Variants in DGKD observed in about 807,000 individuals in gnomAD.
DGKD encodes the protein DAG kinase delta.
In DGKD, 68 loss-of-function variants were observed where a neutral mutation model predicts 154.4. The observed-to-expected ratio is 0.44, with a 90% CI of 0.36 to 0.54. DGKD has a LOEUF of 0.54. Ranked by LOEUF, DGKD falls within the 20% of genes least tolerant of loss-of-function variation. The pLI, the probability that DGKD is intolerant of heterozygous loss-of-function variation, is 0.00. For missense variants in DGKD, 1,343 were observed against 1,593.6 expected (o/e 0.84, Z 2.68); for synonymous variants, 693 against 638.0 (o/e 1.09, Z -1.30).
intron 1 of DGKD, among the ~76,000 whole-genome samples, chr2:233,382,781 A>G (rs1702965757): frequency 6.6e-6 from 1 of 152,146 alleles, no homozygotes; most frequent in Non-Finnish European, 1.5e-5. Flanking sequence ...TCCCTTTACC[A>G]TTTTACATGC....
At chr2:233,454,562 A>G in intron 18 of DGKD, 1 of 559,834 alleles carries the variant, frequency 1.8e-6, no homozygotes, top group Non-Finnish European at 3.3e-6. Flanking sequence ...TGGTTAAATG[A>G]CTCTGAATAT....
intron 1 of DGKD, among the ~76,000 whole-genome samples, chr2:233,368,675 C>G (rs570950605): frequency 6.6e-6 from 1 of 152,104 alleles, no homozygotes; most frequent in Non-Finnish European, 1.5e-5. Context: ...TTCTCTCCCC[C>G]CAACCCTAAA....
chr2:233,369,972 G>T (rs1016708329), intron 1 of DGKD, among the ~76,000 whole-genome samples: 2 of 152,112 alleles, frequency 1.3e-5, no homozygotes, highest in Non-Finnish European at 2.9e-5. Flanking sequence ...ATGGAAGAGG[G>T]ACACTCTTTT....
intron 1 of DGKD, among the ~76,000 whole-genome samples, chr2:233,374,501 A>G (rs1275650482): frequency 2.0e-5 from 3 of 151,700 alleles, no homozygotes; most frequent in Non-Finnish European, 4.4e-5. Flanking sequence ...TGCCCAGCTA[A>G]TTTTTAGATT....
Position 233,438,198 on chromosome 2 carries a change from TGTTC to T in DGKD, c.923-14_923-11del, listed in dbSNP as rs749289365. 49 of 1,612,196 alleles carry T rather than the reference TGTTC, an allele frequency of 3.0e-5. No homozygotes were observed. The highest frequency in any genetic ancestry group is 3.0e-5 in the Non-Finnish European group (35 of 1,179,034). ...CTTCCGTGGCCTATATATTTTCTTC[TGTTC>T]GTTCTTGCGTCCAGGGTTCTGGAAG... On this transcript the variant is annotated splice_polypyrimidine_tract_variant and intron_variant, in intron 8 of 29. Coordinates refer to ENST00000264057, the MANE Select transcript of DGKD (RefSeq NM_152879.3). The surrounding 1 kb of genome is among the most constrained non-coding windows in gnomAD (Gnocchi z 4.1).
chr2:233,396,800 A>G (rs1456067104), intron 3 of DGKD, among the ~76,000 whole-genome samples: 2 of 152,124 alleles, frequency 1.3e-5, no homozygotes, highest in African/African-American at 4.8e-5. Context: ...GGGATGGGGC[A>G]GGTGGAGGGA....
intron 19 of DGKD, among the ~76,000 whole-genome samples, chr2:233,455,895 C>T (rs1372469638): frequency 2.0e-5 from 3 of 152,196 alleles, no homozygotes; most frequent in Non-Finnish European, 4.4e-5. Context: ...GAAAATGGCT[C>T]AGGGGCCCCA....
At position 233,457,289 on chromosome 2, in the gene DGKD, C is replaced by T. The variant is rs756821372; in HGVS notation, c.2541C>T (p.Ala847=). The T allele has an allele frequency of 9.8e-5, 150 of 1,532,444 alleles. No homozygotes were observed. The highest frequency in any genetic ancestry group is 3.5e-4 in the Middle Eastern group (2 of 5,662). 94.9% of individuals were successfully genotyped at this position (1,532,444 alleles called of 1,614,324 possible). A position where few individuals can be genotyped will look rare whatever the true frequency, so the allele number is the denominator to read the frequency against. ...CTGTCCTTAACATTCCCAGCTATGC[C>T]GGAGGAACCAACTTCTGGGGGGGTA... The part of the protein sequence containing the change: ...GIAVLNIPSY[A]GGTNFWGGTK... Residue 847 remains alanine, a synonymous_variant, in exon 21 of 30, where the codon GCC becomes GCT. Transcript: ENST00000264057. The surrounding 1 kb of genome is among the most constrained non-coding windows in gnomAD (Gnocchi z 5.5).
At chr2:233,388,388 G>A in intron 2 of DGKD, 21 bp downstream of exon 2, 2 of 1,605,524 alleles carry the variant, frequency 1.2e-6, no homozygotes, top group Non-Finnish European at 1.7e-6. Context: ...ATGCAGGAAA[G>A]CACACGCGAG....
intron 2 of DGKD, among the ~76,000 whole-genome samples, chr2:233,390,187 A>G (rs1559494198): frequency 1.3e-5 from 2 of 152,156 alleles, no homozygotes; most frequent in African/African-American, 2.4e-5. Context: ...TTTTAAAAAA[A>G]TCATGGCACT....
intron 18 of DGKD, among the ~76,000 whole-genome samples, chr2:233,453,885 TG>T (rs1419148216): frequency 6.6e-6 from 1 of 152,242 alleles, no homozygotes; most frequent in African/African-American, 2.4e-5. Context: ...CCTTGTGCTG[TG>T]GGGCTGGGAT....
At position 233,460,365 on chromosome 2, in the gene DGKD, C is replaced by T. The variant is rs774252849; in HGVS notation, c.2981+20C>T. The T allele has an allele frequency of 1.2e-5, 20 of 1,612,774 alleles. No individual in the cohort carries two copies. The highest frequency in any genetic ancestry group is 1.7e-5 in the Admixed American group (1 of 59,894). ...TCACAGGTGGGCTCCTACCCCTCTG[C>T]GTTGCGCATGAGCCTCCCCCAGGGT... On this transcript the variant is annotated intron_variant, in intron 24 of 29. Transcript: ENST00000264057.
chr2:233,465,812 T>A (rs960481161), intron 27 of DGKD, among the ~76,000 whole-genome samples: 2 of 152,110 alleles, frequency 1.3e-5, no homozygotes, highest in African/African-American at 4.8e-5. Flanking sequence ...AAAAGAAACC[T>A]AACCATATAT....
chr2:233,449,278 C>T lies in DGKD; in HGVS notation c.1790C>T (p.Pro597Leu), dbSNP rs1026967284. ...TGDRLVASAC[P>L]ARPQIFRPRE... ...GACCGCTTGGTGGCATCAGCTTGCC[C>T]GGCCCGGCCGCAGATATTCCGGCCT... The change falls in exon 15 of 30, where the codon CCG becomes CTG. Residue 597 changes from proline (P) to leucine (L), a missense_variant. By Grantham distance (98) the Pro-to-Leu change is moderately conservative (BLOSUM62 -3). Around this residue, in one of 6 missense-constraint regions of DGKD, gnomAD observed 409 missense variants for 446.0 expected, o/e 0.92. Transcript: ENST00000264057. This position sits in a 1 kb window ranked among gnomAD's most constrained non-coding sequence, Gnocchi z 5.3. The T allele has an allele frequency of 1.1e-5, 17 of 1,613,234 alleles. No individual in the cohort carries two copies. Among genetic ancestry groups the T allele is most frequent in the Middle Eastern group, 1.6e-4 (1 of 6,070 alleles).
rs1224555670 is a variant in DGKD at position 233,419,482 on chromosome 2, G to C, written c.349-14898G>C. 3.1e-6 allele frequency: 3 copies of C among 980,076 alleles called. No individual in the cohort carries two copies. The East Asian group carries it at 3.4e-4, about 111-fold the overall frequency. The allele number at this position is 980,076 out of a possible 1,614,324, so 60.7% of individuals were successfully genotyped here. A position where few individuals can be genotyped will look rare whatever the true frequency, so the allele number is the denominator to read the frequency against. ...GGAGGCTGTTGGGTGGTGAGTTCAA[G>C]GTCAGGGTTTGGAATTAAGCGGAAG... On this transcript the variant is annotated intron_variant, in intron 3 of 29. Transcript: ENST00000264057.
In DGKD at chr2:233,445,537, C is replaced by T. The variant is rs1486753613; in HGVS notation, c.1195-86C>T. 24 of 1,498,184 alleles carry T rather than the reference C, an allele frequency of 1.6e-5. No individual in the cohort carries two copies. The highest frequency in any genetic ancestry group is 1.4e-4 in the South Asian group (10 of 72,738). 92.8% of individuals were successfully genotyped at this position (1,498,184 alleles called of 1,614,324 possible). A position where few individuals can be genotyped will look rare whatever the true frequency, so the allele number is the denominator to read the frequency against. ...CCCCACATTGCTAACGTAACCCTCA[C>T]GGTGGGGGACAAGGAGGGCTGCGGG... On this transcript the variant is annotated intron_variant, in intron 10 of 29. Coordinates refer to ENST00000264057, the MANE Select transcript of DGKD (RefSeq NM_152879.3). This position sits in a 1 kb window ranked among gnomAD's most constrained non-coding sequence, Gnocchi z 5.5.
At chr2:233,431,998 G>A (rs1037397081) in intron 3 of DGKD, among the ~76,000 whole-genome samples, 3 of 152,172 alleles carry the variant, frequency 2.0e-5, no homozygotes, top group African/African-American at 7.2e-5. Context: ...CAGGAAAAAA[G>A]CAGTGAAAAA....
Position 233,445,823 on chromosome 2 carries a change from C to T in DGKD, c.1334+61C>T. The T allele has an allele frequency of 6.6e-7, 1 of 1,510,824 alleles. No homozygotes were observed. The highest frequency in any genetic ancestry group is 8.9e-7 in the Non-Finnish European group (1 of 1,126,446). 93.6% of individuals were successfully genotyped at this position (1,510,824 alleles called of 1,614,324 possible). ...ACTTTGAGAGACAGGTCCCTTTGAC[C>T]AGGTGTTCTTAACCTGGGGTCTGTG... On this transcript the variant is annotated intron_variant, in intron 11 of 29. Coordinates refer to ENST00000264057, the MANE Select transcript of DGKD (RefSeq NM_152879.3). This position sits in a 1 kb window ranked among gnomAD's most constrained non-coding sequence, Gnocchi z 5.5.
Position 233,452,373 on chromosome 2 carries a change from C to T in DGKD, c.2264+313C>T, listed in dbSNP as rs1425024098. Reference sequence around the variant, plus strand: ...GCTCAGCTACTCCTGCCAGGAGCTGCCCTTGTGCTGCTCTTCGTGGTCACT... The same window carrying T: ...GCTCAGCTACTCCTGCCAGGAGCTGTCCTTGTGCTGCTCTTCGTGGTCACT... On this transcript the variant is annotated intron_variant, in intron 18 of 29. Transcript: ENST00000264057. The surrounding 1 kb of genome is among the most constrained non-coding windows in gnomAD (Gnocchi z 4.0). Among the ~76,000 whole-genome samples the T allele has an allele frequency of 2.0e-5, 3 of 152,190 alleles. No individual in the cohort carries two copies. Among genetic ancestry groups the T allele is most frequent in the Non-Finnish European group, 4.4e-5 (3 of 68,042 alleles).
Sources: allele counts gnomAD v4.1 joint callset (sites outside exome capture counted in the v4.1 genomes callset), GRCh38; gene constraint gnomAD v4.1.1; regional missense constraint gnomAD v4.1.1; non-coding constraint Gnocchi (gnomAD v3.1); transcripts MANE v1.5; gene names NCBI Gene and HGNC (gene_info 2026-07-23, HGNC 2026-07-21).